MYO3A: variants seen among roughly 807,000 people sequenced by gnomAD.
MYO3A encodes the protein myosin IIIA.
MYO3A carries 180 observed loss-of-function variants against 192.7 expected under a neutral mutation model. The ratio of observed to expected loss-of-function variants is 0.93; its 90% CI spans 0.83 to 1.06. MYO3A has a LOEUF of 1.06. Among genes scored for constraint, MYO3A ranks in the 50% least tolerant of loss-of-function variants. The pLI, the probability that MYO3A is intolerant of heterozygous loss-of-function variation, is 0.00. For missense variants in MYO3A, 1,896 were observed against 1,905.0 expected, an observed-to-expected ratio of 1.00 and a Z score of 0.09; for synonymous variants, 628 against 645.3, an observed-to-expected ratio of 0.97 and a Z score of 0.41.
intron 20 of MYO3A, among the ~76,000 whole-genome samples, chr10:26,131,059 C>T (rs1189613927): frequency 6.6e-6 from 1 of 152,192 alleles, no homozygotes; most frequent in Non-Finnish European, 1.5e-5. Flanking sequence ...TTTCATGAGA[C>T]TTACAAATGA....
intron 20 of MYO3A, among the ~76,000 whole-genome samples, chr10:26,141,276 A>T (rs773698337): frequency 3.9e-5 from 6 of 152,236 alleles, no homozygotes; most frequent in Non-Finnish European, 8.8e-5. Context: ...TTCTGAAGAA[A>T]TAGGAGCTTT....
chr10:26,202,245 A>G (rs975987903), intron 33 of MYO3A, among the ~76,000 whole-genome samples: 2 of 152,210 alleles, frequency 1.3e-5, no homozygotes, highest in Non-Finnish European at 2.9e-5. Context: ...TGAATCAGTG[A>G]CATCCTGAAA....
intron 4 of MYO3A, among the ~76,000 whole-genome samples, chr10:25,978,368 A>G (rs577930664): frequency 2.6e-5 from 4 of 152,350 alleles, no homozygotes; most frequent in African/African-American, 7.2e-5. Flanking sequence ...GCAGAAGGCA[A>G]GGAAGAGCAA....
chr10:25,975,021 A>G (rs1296358518), intron 4 of MYO3A, among the ~76,000 whole-genome samples: 2 of 152,198 alleles, frequency 1.3e-5, no homozygotes, highest in Admixed American at 6.5e-5. Context: ...GGTAGAAGCC[A>G]AAAGCAGGCA....
chr10:25,953,322 T>C (rs1273433117), intron 3 of MYO3A, among the ~76,000 whole-genome samples: 2 of 152,048 alleles, frequency 1.3e-5, no homozygotes, highest in Admixed American at 1.3e-4. Context: ...AAACCCATTA[T>C]AACTACACTC....
At chr10:25,987,055 C>T (rs1254467009) in intron 4 of MYO3A, among the ~76,000 whole-genome samples, 1 of 152,088 alleles carries the variant, frequency 6.6e-6, no homozygotes, top group Non-Finnish European at 1.5e-5. Flanking sequence ...GAAATAAAGC[C>T]AAATACTTAC....
chr10:26,021,078 A>G (rs149731928), intron 7 of MYO3A, among the ~76,000 whole-genome samples: 1 of 152,280 alleles, frequency 6.6e-6, no homozygotes, highest in Non-Finnish European at 1.5e-5. Context: ...GCCCTCAAGC[A>G]TATTTACCTT....
intron 20 of MYO3A, among the ~76,000 whole-genome samples, chr10:26,141,221 C>T (rs995108209): frequency 6.6e-6 from 1 of 152,118 alleles, no homozygotes; most frequent in African/African-American, 2.4e-5. Flanking sequence ...GCCACTGTGC[C>T]GGTACCTAAA....
At chr10:25,944,876 A>G (rs912087693) in intron 2 of MYO3A, among the ~76,000 whole-genome samples, 7 of 151,784 alleles carry the variant, frequency 4.6e-5, no homozygotes, top group Non-Finnish European at 1.0e-4. Flanking sequence ...TTTATTCTCT[A>G]TTTTATTTAT....
At chr10:25,990,136 C>A (rs1310270866) in intron 4 of MYO3A, among the ~76,000 whole-genome samples, 1 of 152,050 alleles carries the variant, frequency 6.6e-6, no homozygotes, top group Non-Finnish European at 1.5e-5. Flanking sequence ...CTTTGGAGAA[C>A]CCAGATGTGG....
chr10:25,998,012 G>A (rs993398), intron 6 of MYO3A, among the ~76,000 whole-genome samples: 103,442 of 152,136 alleles, frequency 0.68, 35,725 homozygotes, highest in African/African-American at 0.8. Flanking sequence ...TGCACTGTAG[G>A]TGGGTAAGGT....
intron 4 of MYO3A, among the ~76,000 whole-genome samples, chr10:25,963,453 C>T (rs942101301): frequency 1.3e-5 from 2 of 152,152 alleles, no homozygotes; most frequent in African/African-American, 4.8e-5. Flanking sequence ...TCTGTTTGTT[C>T]AGCTATTAAC....
intron 31 of MYO3A, among the ~76,000 whole-genome samples, chr10:26,191,821 T>C (rs2132142639): frequency 6.6e-6 from 1 of 152,340 alleles, no homozygotes; most frequent in Admixed American, 6.5e-5. Context: ...AATATAAATA[T>C]TCATTTATTT....
chr10:25,978,535 C>T (rs188327584), intron 4 of MYO3A, among the ~76,000 whole-genome samples: 1 of 152,270 alleles, frequency 6.6e-6, no homozygotes, highest in East Asian at 1.9e-4. Flanking sequence ...CCCACCAGGT[C>T]TCTTCCACAA....
rs1839081140 is a variant in MYO3A, at chr10:25,978,251, T to G, written c.304-18239T>G. Among the ~76,000 whole-genome samples, 3 of 152,214 alleles carry G rather than the reference T, an allele frequency of 2.0e-5. No homozygotes were observed. The South Asian group carries it at 6.2e-4, about 32-fold the overall frequency. On this transcript the variant is annotated intron_variant, in intron 4 of 34. Coordinates refer to ENST00000642920, the MANE Select transcript of MYO3A (RefSeq NM_017433.5). The stretch of plus-strand genomic sequence containing the variant: ...TTTATTTGGAATAGGAATGATGTAT[T>G]AATCTGTTTTCACACTGTCAGTAAA...
chr10:26,108,092 G>T (rs371294904), intron 17 of MYO3A, among the ~76,000 whole-genome samples: 1 of 152,052 alleles, frequency 6.6e-6, no homozygotes. Flanking sequence ...ACAAAGTATC[G>T]TGTTTAATAG....
At chr10:26,067,740 C>T (rs12768454) in intron 11 of MYO3A, among the ~76,000 whole-genome samples, 71,812 of 151,634 alleles carry the variant, frequency 0.47, 17,765 homozygotes, top group Middle Eastern at 0.59. Context: ...ACTTTCCCCT[C>T]ACCCTTCTTT....
intron 2 of MYO3A, among the ~76,000 whole-genome samples, chr10:25,942,364 G>A (rs1398091479): frequency 6.6e-6 from 1 of 152,172 alleles, no homozygotes; most frequent in African/African-American, 2.4e-5. Context: ...CATGTAGGTT[G>A]TTTCTGTCTT....
chr10:25,947,929 A>G (rs1301476071), intron 2 of MYO3A, among the ~76,000 whole-genome samples: 5 of 152,196 alleles, frequency 3.3e-5, no homozygotes, highest in African/African-American at 1.2e-4. Context: ...ACAAAACATA[A>G]TTACAGGAAA....
Sources: allele counts gnomAD v4.1 joint callset (sites outside exome capture counted in the v4.1 genomes callset), GRCh38; gene constraint gnomAD v4.1.1; transcripts MANE v1.5; gene names NCBI Gene and HGNC (gene_info 2026-07-23, HGNC 2026-07-21).